CEP112: variants seen among roughly 807,000 people sequenced by gnomAD.
CEP112 encodes centrosomal protein of 112 kDa.
Under a neutral mutation model 153.0 loss-of-function variants are expected in CEP112, and 127 were observed. The ratio of observed to expected loss-of-function variants is 0.83; its 90% CI spans 0.72 to 0.96. CEP112 has a LOEUF of 0.96. Among genes scored for constraint, CEP112 ranks in the 40% least tolerant of loss-of-function variants. The pLI is 0.00. For synonymous variants in CEP112, 358 were observed against 374.4 expected (o/e 0.96, Z 0.51); for missense variants, 1,089 against 1,101.2 (o/e 0.99, Z 0.16).
intron 21 of CEP112, among the ~76,000 whole-genome samples, chr17:65,810,837 G>A (rs1422200629): frequency 6.6e-6 from 1 of 152,144 alleles, no homozygotes; most frequent in African/African-American, 2.4e-5. Context: ...TTAGACAGAG[G>A]TACACATTTC....
chr17:65,936,713 T>C (rs35000084), intron 18 of CEP112, among the ~76,000 whole-genome samples: 62,093 of 150,786 alleles, frequency 0.41, 14,186 homozygotes, highest in East Asian at 0.87. Flanking sequence ...TGCAGAAAAA[T>C]CACTTGCCAA....
intron 21 of CEP112, among the ~76,000 whole-genome samples, chr17:65,786,255 A>G (rs138294552): frequency 2.0e-3 from 305 of 151,802 alleles, no homozygotes; most frequent in African/African-American, 7.0e-3. Flanking sequence ...TGATTTTTCT[A>G]TATTGATCTT....
chr17:65,773,626 G>C (rs888073096), intron 21 of CEP112, among the ~76,000 whole-genome samples: 10 of 152,012 alleles, frequency 6.6e-5, no homozygotes, highest in African/African-American at 1.9e-4. Context: ...AATACATATG[G>C]TGACTATCTC....
chr17:66,000,918 G>A (rs888222905), intron 17 of CEP112, among the ~76,000 whole-genome samples: 68 of 152,186 alleles, frequency 4.5e-4, no homozygotes, highest in African/African-American at 1.4e-3. Flanking sequence ...TGGGCTGATC[G>A]TCCTGCGCTG....
chr17:66,168,741 C>G (rs1261794776), intron 4 of CEP112, among the ~76,000 whole-genome samples: 1 of 152,126 alleles, frequency 6.6e-6, no homozygotes, highest in African/African-American at 2.4e-5. Context: ...AAGTTGTCCA[C>G]ATCCTTACCA....
At chr17:66,133,780 A>T (rs1328963958) in intron 4 of CEP112, among the ~76,000 whole-genome samples, 1 of 152,214 alleles carries the variant, frequency 6.6e-6, no homozygotes, top group Non-Finnish European at 1.5e-5. Flanking sequence ...ACAAACTGTG[A>T]CCTACACGAA....
chr17:65,659,407 T>A lies in CEP112; in HGVS notation c.2698-18342A>T, dbSNP rs528031878. On this transcript the variant is annotated intron_variant, in intron 24 of 26. Transcript: ENST00000535342. ...TCCCTCAAAGTACCAATTATCTCCT[T>A]ATGTTTGAGAAGGCATGTCTTGCCA... is the stretch of plus-strand genomic sequence containing the variant. Among the ~76,000 whole-genome samples the A allele has an allele frequency of 9.2e-5, 14 of 152,300 alleles. No homozygotes were observed. The East Asian group carries it at 2.5e-3, about 27-fold the overall frequency.
intron 24 of CEP112, chr17:65,655,277 G>A: frequency 1.6e-6 from 2 of 1,219,758 alleles, no homozygotes; most frequent in Admixed American, 1.7e-5. Context: ...TGCCTTTGTT[G>A]GGTGCAGGCT....
At chr17:66,097,450 C>T (rs2068395436) in intron 6 of CEP112, among the ~76,000 whole-genome samples, 1 of 152,150 alleles carries the variant, frequency 6.6e-6, no homozygotes, top group Non-Finnish European at 1.5e-5. Context: ...CCCTGTTCAC[C>T]ACTCTATCCC....
intron 18 of CEP112, among the ~76,000 whole-genome samples, chr17:65,940,848 T>C (rs2061484091): frequency 1.3e-5 from 2 of 152,160 alleles, no homozygotes; most frequent in African/African-American, 4.8e-5. Context: ...GTTAATAATA[T>C]ATATTTCAAA....
chr17:65,799,568 T>C (rs1256901545), intron 21 of CEP112, among the ~76,000 whole-genome samples: 3 of 152,172 alleles, frequency 2.0e-5, no homozygotes, highest in South Asian at 2.1e-4. Flanking sequence ...CTGTGGAGAA[T>C]GATCCAGAAG....
intron 1 of CEP112, among the ~76,000 whole-genome samples, chr17:66,183,541 A>G (rs1275838333): frequency 1.3e-5 from 2 of 151,916 alleles, no homozygotes; most frequent in African/African-American, 4.8e-5. Context: ...ATTTTGAGAA[A>G]GTACAAAGTT....
intron 20 of CEP112, among the ~76,000 whole-genome samples, chr17:65,897,957 T>A (rs1057408427): frequency 6.6e-6 from 1 of 152,084 alleles, no homozygotes; most frequent in Non-Finnish European, 1.5e-5. Flanking sequence ...ATTAGAATTA[T>A]ACAATTCACA....
intron 23 of CEP112, among the ~76,000 whole-genome samples, chr17:65,726,127 T>A (rs1284080327): frequency 3.9e-5 from 6 of 151,954 alleles, no homozygotes; most frequent in Non-Finnish European, 8.8e-5. Flanking sequence ...GATCACAAGT[T>A]CAGGAGTTTG....
chr17:65,787,662 C>G (rs2054351340), intron 21 of CEP112, among the ~76,000 whole-genome samples: 1 of 152,186 alleles, frequency 6.6e-6, no homozygotes, highest in Non-Finnish European at 1.5e-5. Flanking sequence ...CCAAATAGGA[C>G]TTATACGGCT....
At chr17:65,732,159 G>C (rs1171230377) in intron 23 of CEP112, among the ~76,000 whole-genome samples, 1 of 152,184 alleles carries the variant, frequency 6.6e-6, no homozygotes. Context: ...AATGACTCCT[G>C]GATTAATGAG....
rs555497038 is a variant in CEP112 at position 66,084,682 on chromosome 17, CA to C, written c.768+11568del. Among the ~76,000 whole-genome samples, 119 of 151,712 alleles carry C rather than the reference CA, an allele frequency of 7.8e-4. 2 individuals carry two copies. In the South Asian group the frequency reaches 8.5e-3, roughly 11 times the overall value. On this transcript the variant is annotated intron_variant, in intron 8 of 26. Transcript: ENST00000535342. Reference sequence around the variant, plus strand: ...GGGGCTGGAAAGGGTAGTGGGAAGGCAGGGGGGGAGTTGGGATGGTTAATGG... The same window carrying C: ...GGGGCTGGAAAGGGTAGTGGGAAGGCGGGGGGGAGTTGGGATGGTTAATGG...
chr17:65,724,533 T>C (rs772680688), intron 23 of CEP112, among the ~76,000 whole-genome samples: 2 of 152,236 alleles, frequency 1.3e-5, no homozygotes, highest in Non-Finnish European at 2.9e-5. Context: ...TGTTTATTCA[T>C]AACTTCACTT....
At chr17:65,804,860 A>G (rs1474791500) in intron 21 of CEP112, among the ~76,000 whole-genome samples, 2 of 151,888 alleles carry the variant, frequency 1.3e-5, no homozygotes, top group Non-Finnish European at 2.9e-5. Context: ...AACTCTGTAC[A>G]ATTAATTTTT....
Sources: allele counts gnomAD v4.1 joint callset (sites outside exome capture counted in the v4.1 genomes callset), GRCh38; gene constraint gnomAD v4.1.1; transcripts MANE v1.5; gene names NCBI Gene and HGNC (gene_info 2026-07-23, HGNC 2026-07-21).